The following MLLT10 variants were observed in gnomAD, a reference collection of about 807,000 sequenced individuals.
MLLT10 encodes the protein MLLT10 histone lysine methyltransferase DOT1L cofactor, also known as protein AF-10.
MLLT10 carries 30 observed loss-of-function variants against 129.1 expected under a neutral mutation model. That is an observed-to-expected ratio of 0.23 (90% CI 0.17 to 0.32). MLLT10 has a LOEUF of 0.32. Among genes scored for constraint, MLLT10 ranks in the 10% least tolerant of loss-of-function variants. MLLT10 has a pLI of 1.00. For synonymous variants in MLLT10, 490 were observed against 446.4 expected, an observed-to-expected ratio of 1.10 and a Z score of -1.23; for missense variants, 1,119 against 1,268.3, an observed-to-expected ratio of 0.88 and a Z score of 1.79.
intron 8 of MLLT10, among the ~76,000 whole-genome samples, chr10:21,644,976 C>G (rs560640007): frequency 1.3e-5 from 2 of 152,258 alleles, no homozygotes; most frequent in South Asian, 4.1e-4. Flanking sequence ...TTCTTTACTT[C>G]CAGTTAGCAC....
chr10:21,592,440 G>GTT (rs869260444), intron 4 of MLLT10, among the ~76,000 whole-genome samples: 4 of 144,012 alleles, frequency 2.8e-5, no homozygotes, highest in Non-Finnish European at 6.1e-5. Context: ...GTTTTCTGTA[G>GTT]TTTTTTTTTT....
Position 21,709,325 on chromosome 10 carries a change from C to A in MLLT10, c.1700-4447C>A, listed in dbSNP as rs1207394914. Among the ~76,000 whole-genome samples, 4 of 151,784 alleles carry A rather than the reference C, an allele frequency of 2.6e-5. 1 individual carries two copies. The highest frequency in any genetic ancestry group is 2.6e-4 in the Admixed American group (4 of 15,254). ...TGATCTTGGCTTATTGCAACCTCCG[C>A]CTCTCAAGTGATTCTCCTGCCTCAG... On this transcript the variant is annotated intron_variant, in intron 13 of 22. Coordinates refer to ENST00000307729, the MANE Select transcript of MLLT10 (RefSeq NM_001195626.3).
rs368626559 is a variant in MLLT10 at position 21,534,797 on chromosome 10, G to A, written c.153G>A (p.Val51=). The change falls in exon 2 of 23, where the codon GTG becomes GTA. Residue 51 remains valine (V), a synonymous_variant. Coordinates refer to ENST00000307729, the MANE Select transcript of MLLT10 (RefSeq NM_001195626.3). ...ACGGGCACGGCTGCAGCGTCGCGGT[G>A]CATCAAGGTAAACACCCAACCGCCC... The part of the protein sequence containing the change: ...YCDGHGCSVA[V]HQACYGIVQV... 1.2e-6 allele frequency: 2 copies of A among 1,606,762 alleles called. No homozygotes were observed. Among genetic ancestry groups the A allele is most frequent in the Non-Finnish European group, 1.7e-6 (2 of 1,176,462 alleles).
At chr10:21,625,791 C>T (rs2046372580) in intron 8 of MLLT10, 1 of 767,872 alleles carries the variant, frequency 1.3e-6, no homozygotes, top group Non-Finnish European at 2.4e-6. Flanking sequence ...TCCTGTGCAG[C>T]TTCCTTTCCA....
chr10:21,731,283 T>C (rs1488888473), intron 17 of MLLT10, among the ~76,000 whole-genome samples: 1 of 152,238 alleles, frequency 6.6e-6, no homozygotes, highest in Non-Finnish European at 1.5e-5. Flanking sequence ...AGTATGATCT[T>C]GGGCATGTTT....
intron 13 of MLLT10, among the ~76,000 whole-genome samples, chr10:21,700,053 C>T (rs1472704267): frequency 6.7e-6 from 1 of 149,688 alleles, no homozygotes; most frequent in Non-Finnish European, 1.5e-5. Flanking sequence ...TTTCTTTCAT[C>T]AGTGTTTTGT....
intron 13 of MLLT10, among the ~76,000 whole-genome samples, chr10:21,696,717 G>C (rs1168117110): frequency 6.6e-6 from 1 of 151,900 alleles, no homozygotes; most frequent in African/African-American, 2.4e-5. Flanking sequence ...TCCAAATTTA[G>C]TATTGAAATT....
intron 8 of MLLT10, among the ~76,000 whole-genome samples, chr10:21,641,056 A>G (rs572219209): frequency 6.6e-6 from 1 of 152,332 alleles, no homozygotes; most frequent in African/African-American, 2.4e-5. Flanking sequence ...GGTGACACAC[A>G]TCATTTTCAT....
At chr10:21,633,845 A>C (rs1410288751) in intron 8 of MLLT10, among the ~76,000 whole-genome samples, 1 of 152,224 alleles carries the variant, frequency 6.6e-6, no homozygotes, top group Non-Finnish European at 1.5e-5. Context: ...CTATTAAAAA[A>C]CATATAATCC....
intron 13 of MLLT10, chr10:21,688,581 A>C (rs1412888287): frequency 1.3e-6 from 2 of 1,547,824 alleles, no homozygotes; most frequent in Admixed American, 3.5e-5. Context: ...TAATAGTGTT[A>C]AATTAATCCT....
chr10:21,556,584 T>G, intron 3 of MLLT10: 4 of 1,372,974 alleles, frequency 2.9e-6, no homozygotes, highest in Non-Finnish European at 3.0e-6. Context: ...CTAGGGCAGG[T>G]GAGAGCCAGT....
At chr10:21,630,229 G>T (rs1307832098) in intron 8 of MLLT10, among the ~76,000 whole-genome samples, 1 of 152,176 alleles carries the variant, frequency 6.6e-6, no homozygotes, top group African/African-American at 2.4e-5. Flanking sequence ...TGAGATTGAG[G>T]TGGGATAATA....
chr10:21,661,663 A>G (rs1243199), intron 9 of MLLT10: 76,797 of 151,854 alleles, frequency 0.51, 19,688 homozygotes, highest in Middle Eastern at 0.58. Context: ...ACGAATTTGC[A>G]TGTCACTCTT....
intron 3 of MLLT10, among the ~76,000 whole-genome samples, chr10:21,567,446 C>G (rs1198560550): frequency 6.6e-6 from 1 of 152,146 alleles, no homozygotes; most frequent in Non-Finnish European, 1.5e-5. Context: ...GTCTTCTCTG[C>G]TACCACTCCA....
At chr10:21,621,915 A>G (rs2045900726) in intron 8 of MLLT10, among the ~76,000 whole-genome samples, 1 of 152,200 alleles carries the variant, frequency 6.6e-6, no homozygotes. Flanking sequence ...TTAATATTAA[A>G]TACTGTGGTA....
chr10:21,695,378 A>G (rs1203646292), intron 13 of MLLT10, among the ~76,000 whole-genome samples: 1 of 152,138 alleles, frequency 6.6e-6, no homozygotes, highest in Non-Finnish European at 1.5e-5. Flanking sequence ...TCAGCTAACC[A>G]ATAGCCTTAA....
chr10:21,609,874 T>TTC (rs1214076495), intron 5 of MLLT10, among the ~76,000 whole-genome samples: 1 of 152,100 alleles, frequency 6.6e-6, no homozygotes, highest in African/African-American at 2.4e-5. Flanking sequence ...GTGTGATGTT[T>TTC]TCTCTCTCAC....
chr10:21,607,841 T>C (rs2044214871), intron 5 of MLLT10, among the ~76,000 whole-genome samples: 1 of 152,196 alleles, frequency 6.6e-6, no homozygotes, highest in Non-Finnish European at 1.5e-5. Context: ...AGATTGCAAT[T>C]GCTGTTTGGT....
At chr10:21,580,208 G>T (rs1223861803) in intron 3 of MLLT10, among the ~76,000 whole-genome samples, 5 of 151,282 alleles carry the variant, frequency 3.3e-5, no homozygotes, top group African/African-American at 7.3e-5. Flanking sequence ...TATTGTTGTT[G>T]CTGAGACATC....
Sources: allele counts gnomAD v4.1 joint callset (sites outside exome capture counted in the v4.1 genomes callset), GRCh38; gene constraint gnomAD v4.1.1; transcripts MANE v1.5; gene names NCBI Gene and HGNC (gene_info 2026-07-23, HGNC 2026-07-21).